The following ERAP2 variants were observed in gnomAD, a reference collection of about 807,000 sequenced individuals.
The protein encoded by ERAP2 is leukocyte-derived arginine aminopeptidase.
A neutral mutation model predicts 111.1 loss-of-function variants in ERAP2; 118 were observed. That is an observed-to-expected ratio of 1.06 (90% CI 0.92 to 1.24). ERAP2 has a LOEUF of 1.24. ERAP2 is among the 50% of genes most tolerant of loss of function. The probability of loss-of-function intolerance (pLI) is 0.00; values close to 1 mark genes in which losing one functional copy is unlikely to be tolerated. For missense variants in ERAP2, 1,131 were observed against 1,125.8 expected, an observed-to-expected ratio of 1.00 and a Z score of -0.07; for synonymous variants, 410 against 401.2, an observed-to-expected ratio of 1.02 and a Z score of -0.26.
At chr5:96,905,437 T>G (rs1298719279) in intron 13 of ERAP2, among the ~76,000 whole-genome samples, 1 of 152,204 alleles carries the variant, frequency 6.6e-6, no homozygotes, top group Non-Finnish European at 1.5e-5. Flanking sequence ...TGAAATTTGT[T>G]TATATTTACT....
At position 96,908,981 on chromosome 5, in the gene ERAP2, A is replaced by G; in HGVS notation, c.2033A>G (p.Asp678Gly). The change falls in exon 14 of 19, where the codon GAC (aspartate) becomes GGC (glycine). Residue 678 changes from aspartate (D) to glycine (G), a missense_variant. Coordinates refer to ENST00000437043, the MANE Select transcript of ERAP2 (RefSeq NM_022350.5). Reference sequence around the variant, plus strand: ...TTCAGTGCAGGGAGACTGACCCTAGACAAAGCTCTTGACATGACTTACTAC... The same window carrying G: ...TTCAGTGCAGGGAGACTGACCCTAGGCAAAGCTCTTGACATGACTTACTAC... ...QLVGAGRLTL[D>G]KALDMTYYLQ... 6.2e-7 allele frequency: 1 copy of G among 1,614,172 alleles called. No individual in the cohort carries two copies. Among genetic ancestry groups the G allele is most frequent in the Admixed American group, 1.7e-5 (1 of 60,022 alleles).
At chr5:96,904,301 G>T (rs1785800973) in intron 13 of ERAP2, among the ~76,000 whole-genome samples, 1 of 152,208 alleles carries the variant, frequency 6.6e-6, no homozygotes, top group Admixed American at 6.5e-5. Flanking sequence ...GGGAATTGAG[G>T]ACCAGGAAGT....
At chr5:96,884,034 T>TTATCTATCTATC (rs59325486) in intron 3 of ERAP2, 104 bp downstream of exon 3, 105 of 603,478 alleles carry the variant, frequency 1.7e-4, no homozygotes, top group Middle Eastern at 3.9e-4. Flanking sequence ...TAATTTGTTT[T>TTATCTATCTATC]TATCTATCTA....
Position 96,901,598 on chromosome 5 carries a change from C to T in ERAP2, c.1665C>T (p.Asp555=), listed in dbSNP as rs560261135. 76 of 1,614,106 alleles carry T rather than the reference C, an allele frequency of 4.7e-5. No homozygotes were observed. The highest frequency in any genetic ancestry group is 6.7e-5 in the Admixed American group (4 of 60,000). The part of the protein sequence containing the change: ...KGIPLLVVKQ[D]GCSLRLQQER... ...TCCCCCTGCTGGTGGTTAAACAAGA[C>T]GGGTGTTCACTCCGACTGCAACAGG... The change falls in exon 11 of 19, where the codon GAC becomes GAT. Residue 555 remains aspartate (D), a synonymous_variant. Transcript: ENST00000437043.
At chr5:96,902,609 A>C in intron 12 of ERAP2, 1 of 344,608 alleles carries the variant, frequency 2.9e-6, no homozygotes, top group Admixed American at 4.4e-5. Flanking sequence ...AATCTATCTT[A>C]TGTCTTATAA....
At position 96,902,629 on chromosome 5, in the gene ERAP2, A is replaced by G. The variant is rs1785599200; in HGVS notation, c.1828+276A>G. 1.9e-5 allele frequency: 5 copies of G among 267,246 alleles called. No individual in the cohort carries two copies. The Admixed American group carries it at 2.6e-4, about 14-fold the overall frequency. The allele number at this position is 267,246 out of a possible 1,614,324, so 16.6% of individuals were successfully genotyped here. On this transcript the variant is annotated intron_variant, in intron 12 of 18. Transcript: ENST00000437043. ...ATCTTATGTCTTATAATACCCACTA[A>G]TCTATTTTTACAGGTTATGGATAAG...
At chr5:96,909,477 T>A in intron 14 of ERAP2, 103 bp from the exon 15 acceptor site, 1 of 870,504 alleles carries the variant, frequency 1.1e-6, no homozygotes. Context: ...GGGGAAAGAT[T>A]GGGAAAGATG....
intron 9 of ERAP2, among the ~76,000 whole-genome samples, chr5:96,897,904 G>A (rs2548534): frequency 0.54 from 82,336 of 152,048 alleles, 22,363 homozygotes; most frequent in Admixed American, 0.59. Flanking sequence ...ACAGTTTAAA[G>A]ACACTTTCAT....
At chr5:96,896,696 TATCTCTTTTTTC>T in intron 8 of ERAP2, 24 bp from the exon 9 acceptor site, 1 of 1,537,070 alleles carries the variant, frequency 6.5e-7, no homozygotes, top group Non-Finnish European at 8.7e-7. Context: ...CCATTTTCTT[TATCTCTTTTTTC>T]AACTCTTTTG....
intron 17 of ERAP2, among the ~76,000 whole-genome samples, chr5:96,914,148 T>TCTCTCACACACA (rs34158080): frequency 1.4e-5 from 2 of 148,082 alleles, no homozygotes; most frequent in East Asian, 2.0e-4. Flanking sequence ...TCTCTCTCTC[T>TCTCTCACACACA]CACACACACA....
chr5:96,898,039 T>TACAA (rs1785040658), intron 9 of ERAP2, among the ~76,000 whole-genome samples: 1 of 152,026 alleles, frequency 6.6e-6, no homozygotes, highest in African/African-American at 2.4e-5. Context: ...GTACTAGAAA[T>TACAA]ACAAACATTA....
intron 4 of ERAP2, among the ~76,000 whole-genome samples, chr5:96,887,089 A>ATATAT (rs1171278344): frequency 7.4e-5 from 7 of 95,168 alleles, no homozygotes; most frequent in Non-Finnish European, 1.3e-4. Context: ...ATATATATAT[A>ATATAT]TATATATATA....
Position 96,902,325 on chromosome 5 carries a change from C to G in ERAP2, c.1800C>G (p.Ile600Met). 1 of 1,611,126 alleles carries G rather than the reference C, an allele frequency of 6.2e-7. No individual in the cohort carries two copies. The highest frequency in any genetic ancestry group is 8.5e-7 in the Non-Finnish European group (1 of 1,177,542). Reference protein sequence around the residue: ...LTYSTSSSNVIHRHILKSKTD... With the variant: ...LTYSTSSSNVMHRHILKSKTD... The stretch of plus-strand genomic sequence containing the variant: ...ACTCCACGAGTTCTTCTAATGTGAT[C>G]CACAGACACATTCTAAAATCAAAGA... The change falls in exon 12 of 19, where the codon ATC becomes ATG. Residue 600 changes from isoleucine (I) to methionine (M), a missense_variant. By Grantham distance (10) the Ile-to-Met change is conservative. This residue lies in a region of ERAP2 where 847 missense variants were observed against 856.5 expected (regional missense o/e 0.99). Coordinates refer to ENST00000437043, the MANE Select transcript of ERAP2 (RefSeq NM_022350.5).
chr5:96,913,655 T>C (rs1787048724), intron 17 of ERAP2, among the ~76,000 whole-genome samples, 198 bp downstream of exon 17: 1 of 152,174 alleles, frequency 6.6e-6, no homozygotes, highest in Non-Finnish European at 1.5e-5. Flanking sequence ...AATAAGGGAA[T>C]GGGAAACAGC....
At chr5:96,912,559 A>C in intron 15 of ERAP2, 78 bp from the exon 16 acceptor site, 1 of 1,040,978 alleles carries the variant, frequency 9.6e-7, no homozygotes, top group Non-Finnish European at 1.4e-6. Context: ...TTATTGTGTT[A>C]TAGGACTTAA....
chr5:96,917,171 A>G (rs1299405174), intron 18 of ERAP2, among the ~76,000 whole-genome samples: 2 of 152,196 alleles, frequency 1.3e-5, no homozygotes. Flanking sequence ...CAGTGGCACC[A>G]TCTTGGCTCA....
At chr5:96,911,740 C>T (rs1137729) in intron 15 of ERAP2, among the ~76,000 whole-genome samples, 6,279 of 151,566 alleles carry the variant, frequency 0.041, 256 homozygotes, top group East Asian at 0.13. Flanking sequence ...GGGCATGGTG[C>T]TATGTGCCTA....
intron 13 of ERAP2, among the ~76,000 whole-genome samples, chr5:96,907,239 G>T (rs551798893): frequency 2.6e-5 from 4 of 152,094 alleles, no homozygotes; most frequent in Non-Finnish European, 4.4e-5. Context: ...TTGAAGCATA[G>T]GGTTAGTAAT....
chr5:96,898,601 G>A (rs1242567710), intron 9 of ERAP2, among the ~76,000 whole-genome samples: 1 of 133,160 alleles, frequency 7.5e-6, no homozygotes, highest in Admixed American at 7.8e-5. Context: ...AATTAGCCAG[G>A]TCTGGTGGAT....
Sources: gnomAD v4.1 joint callset for allele counts (sites outside exome capture counted in the v4.1 genomes callset) on GRCh38, gnomAD v4.1.1 for gene constraint, gnomAD v4.1.1 regional missense constraint, MANE v1.5 for transcripts, NCBI Gene and HGNC (gene_info 2026-07-23, HGNC 2026-07-21) for gene names.